The following DNAJC15 variants were observed in gnomAD, a reference collection of about 807,000 sequenced individuals.
DNAJC15 encodes the protein DnaJ heat shock protein family (Hsp40) member C15.
Under a neutral mutation model 22.4 loss-of-function variants are expected in DNAJC15, and 27 were observed. The observed-to-expected ratio is 1.20, with a 90% CI of 0.89 to 1.66. The LOEUF is 1.66. DNAJC15 is among the 40% of genes most tolerant of loss of function. DNAJC15 has a pLI of 0.00. For synonymous variants in DNAJC15, 79 were observed against 63.2 expected (o/e 1.25, Z -1.19); for missense variants, 208 against 187.1 (o/e 1.11, Z -0.65).
At position 43,023,636 on chromosome 13, in the gene DNAJC15, C is replaced by T. The variant is rs35918532; in HGVS notation, c.10C>T (p.Arg4Cys). 1 of 1,610,914 alleles carries T rather than the reference C, an allele frequency of 6.2e-7. No individual in the cohort carries two copies. The part of the protein sequence containing the change: MAA[R>C]GVIAPVGESL... ...TCCGGGCCGCCTTGCCATGGCTGCC[C>T]GTGGTGTCATCGCTCCAGTTGGCGA... Residue 4 changes from arginine to cysteine, a missense_variant, in exon 1 of 6, where the codon CGT becomes TGT. Transcript: ENST00000379221.
rs2040431482 is a variant in DNAJC15, at chr13:43,036,903, GC to G, written c.108+13171del. ...AACTTTGCCCCACCCTGGAGTGGAT[GC>G]CGTGAGTCGGGAGAGGCCAGGCAGT... On this transcript the variant is annotated intron_variant, in intron 1 of 5. Coordinates refer to ENST00000379221, the MANE Select transcript of DNAJC15 (RefSeq NM_013238.3). 2.0e-5 allele frequency among the ~76,000 whole-genome samples: 3 copies of G among 152,390 alleles called. No homozygotes were observed. The South Asian group carries it at 6.2e-4, about 32-fold the overall frequency.
At chr13:43,099,877 T>TA (rs1370772219) in intron 5 of DNAJC15, among the ~76,000 whole-genome samples, 3 of 152,172 alleles carry the variant, frequency 2.0e-5, no homozygotes, top group Non-Finnish European at 4.4e-5. Flanking sequence ...ACTTATAAGA[T>TA]ATATTGATCA....
chr13:43,049,742 C>T (rs2040494310), intron 1 of DNAJC15, among the ~76,000 whole-genome samples: 1 of 152,040 alleles, frequency 6.6e-6, no homozygotes, highest in African/African-American at 2.4e-5. Context: ...TTGAGTCATT[C>T]ATATATGTGG....
At chr13:43,049,972 C>G (rs2040495332) in intron 1 of DNAJC15, among the ~76,000 whole-genome samples, 1 of 152,126 alleles carries the variant, frequency 6.6e-6, no homozygotes, top group East Asian at 1.9e-4. Flanking sequence ...GGCTGGAGTG[C>G]AATGGCATGA....
At chr13:43,066,558 CAT>C (rs977604346) in intron 2 of DNAJC15, among the ~76,000 whole-genome samples, 155 of 152,336 alleles carry the variant, frequency 1.0e-3, no homozygotes, top group African/African-American at 3.7e-3. Context: ...ATAAGGGTAA[CAT>C]ATTCTCAGGT....
chr13:43,085,420 C>G (rs1415720387), intron 4 of DNAJC15, among the ~76,000 whole-genome samples: 2 of 152,076 alleles, frequency 1.3e-5, no homozygotes, highest in Non-Finnish European at 2.9e-5. Flanking sequence ...TACTTGTCTG[C>G]TACACCGTAT....
At position 43,108,303 on chromosome 13, in the gene DNAJC15, AG is replaced by A. The variant is rs1366287755; in HGVS notation, c.*1058del. 1 of 152,214 alleles carries A rather than the reference AG, an allele frequency of 6.6e-6. No individual in the cohort carries two copies. The highest frequency in any genetic ancestry group is 1.5e-5 in the Non-Finnish European group (1 of 68,040). The allele number at this position is 152,214 out of a possible 1,614,324, so 9.4% of individuals were successfully genotyped here. Reference sequence around the variant, plus strand: ...ATATCAATCGGAGTGATTAGAGTGCAGGGTTTCTGGAAAGCAAGGTTTGGAC... The same window carrying A: ...ATATCAATCGGAGTGATTAGAGTGCAGGTTTCTGGAAAGCAAGGTTTGGAC... On this transcript the variant is annotated 3_prime_UTR_variant, in exon 6 of 6. Transcript: ENST00000379221.
At chr13:43,051,634 G>GGTGTGTGTGTGTGTGTGT (rs57271276) in intron 1 of DNAJC15, among the ~76,000 whole-genome samples, 13 of 133,056 alleles carry the variant, frequency 9.8e-5, no homozygotes, top group African/African-American at 3.0e-4. Flanking sequence ...AGTACTTCAT[G>GGTGTGTGTGTGTGTGTGT]GTGTGTGTGT....
intron 4 of DNAJC15, among the ~76,000 whole-genome samples, chr13:43,079,346 A>C (rs1204533543): frequency 3.3e-5 from 5 of 152,242 alleles, no homozygotes; most frequent in Non-Finnish European, 7.3e-5. Context: ...CAAATTAGAT[A>C]ATAAAGTCCT....
chr13:43,085,005 G>A (rs1467875861), intron 4 of DNAJC15, among the ~76,000 whole-genome samples: 1 of 152,170 alleles, frequency 6.6e-6, no homozygotes, highest in Non-Finnish European at 1.5e-5. Flanking sequence ...TGAGGAAACT[G>A]AAGCACCAAG....
intron 4 of DNAJC15, among the ~76,000 whole-genome samples, chr13:43,079,337 A>C (rs2040650836): frequency 6.6e-6 from 1 of 152,210 alleles, no homozygotes; most frequent in Admixed American, 6.5e-5. Flanking sequence ...ACAATTAAGC[A>C]AATTAGATAA....
chr13:43,041,908 G>GT (rs1183399377), intron 1 of DNAJC15, among the ~76,000 whole-genome samples: 1 of 152,258 alleles, frequency 6.6e-6, no homozygotes, highest in Non-Finnish European at 1.5e-5. Context: ...AGGGAGGGAA[G>GT]TTTTGAAGTG....
intron 5 of DNAJC15, among the ~76,000 whole-genome samples, chr13:43,095,944 G>T (rs570293062): frequency 2.6e-5 from 4 of 152,246 alleles, no homozygotes; most frequent in African/African-American, 9.6e-5. Flanking sequence ...GGAAGAGGAG[G>T]AGAGAAATGG....
chr13:43,031,993 A>G (rs953768127), intron 1 of DNAJC15, among the ~76,000 whole-genome samples: 1 of 152,254 alleles, frequency 6.6e-6, no homozygotes, highest in Non-Finnish European at 1.5e-5. Flanking sequence ...GGGAACAGCA[A>G]GGAACCACTA....
intron 5 of DNAJC15, among the ~76,000 whole-genome samples, chr13:43,089,349 C>G (rs1026502005): frequency 6.6e-6 from 1 of 152,082 alleles, no homozygotes; most frequent in African/African-American, 2.4e-5. Flanking sequence ...AATGGAGGAG[C>G]AGACAAAAAA....
intron 1 of DNAJC15, 64 bp downstream of exon 1, chr13:43,023,798 C>T (rs538026310): frequency 4.9e-6 from 7 of 1,414,388 alleles, no homozygotes; most frequent in Non-Finnish European, 6.8e-6. Context: ...TCAGCCCCCT[C>T]TACCGCCTCA....
intron 1 of DNAJC15, among the ~76,000 whole-genome samples, chr13:43,062,790 C>T (rs1181180137): frequency 6.6e-6 from 1 of 152,036 alleles, no homozygotes; most frequent in South Asian, 2.1e-4. Flanking sequence ...GCAGTCTTGG[C>T]TCACTGCACC....
intron 5 of DNAJC15, among the ~76,000 whole-genome samples, chr13:43,102,487 T>G (rs186659406): frequency 2.6e-5 from 4 of 152,230 alleles, no homozygotes; most frequent in African/African-American, 9.6e-5. Context: ...GATTATGTAT[T>G]TATTTTGGCT....
Position 43,030,682 on chromosome 13 carries a change from C to T in DNAJC15, c.108+6948C>T, listed in dbSNP as rs562794613. ...TGGATACAAAGATGAATCAAATACG[C>T]ATTTTTTCCTCAAGGGACTTGACCA... is the stretch of plus-strand genomic sequence containing the variant. On this transcript the variant is annotated intron_variant, in intron 1 of 5. Coordinates refer to ENST00000379221, the MANE Select transcript of DNAJC15 (RefSeq NM_013238.3). Among the ~76,000 whole-genome samples the T allele has an allele frequency of 2.2e-4, 33 of 152,300 alleles. No homozygotes were observed. The South Asian group carries it at 6.2e-3, about 29-fold the overall frequency.
Sources: gnomAD v4.1 joint callset for allele counts (sites outside exome capture counted in the v4.1 genomes callset) on GRCh38, gnomAD v4.1.1 for gene constraint, MANE v1.5 for transcripts, NCBI Gene and HGNC (gene_info 2026-07-23, HGNC 2026-07-21) for gene names.